CHRM3: variants seen among roughly 807,000 people sequenced by gnomAD.
The protein encoded by CHRM3 is muscarinic acetylcholine receptor M3.
A neutral mutation model predicts 41.8 loss-of-function variants in CHRM3; 11 were observed. That is an observed-to-expected ratio of 0.26 (90% confidence interval 0.17 to 0.44). The LOEUF (loss-of-function observed/expected upper bound fraction) is 0.44, where lower values mean the gene tolerates loss of function less well. Among genes scored for constraint, CHRM3 ranks in the 20% least tolerant of loss-of-function variants. CHRM3 has a pLI of 1.00. For missense variants in CHRM3, 571 were observed against 745.4 expected (o/e 0.77, Z 2.72); for synonymous variants, 297 against 301.4 (o/e 0.99, Z 0.15).
In CHRM3 at chr1:239,833,348, G is replaced by A. The variant is rs552522491; in HGVS notation, c.-20+5970G>A. Among the ~76,000 whole-genome samples the A allele has an allele frequency of 2.6e-5, 4 of 152,298 alleles. No individual in the cohort carries two copies. In the East Asian group the frequency reaches 7.7e-4, roughly 29 times the overall value. On this transcript the variant is annotated intron_variant, in intron 6 of 6. Coordinates refer to ENST00000676153, the MANE Select transcript of CHRM3 (RefSeq NM_001375978.1). ...AAACCCTGGCTTTGTCCTATGACTAGGATGAATATAGTCTAGACTCAGGCT... is the reference window on the plus strand; with the variant it reads ...AAACCCTGGCTTTGTCCTATGACTAAGATGAATATAGTCTAGACTCAGGCT...
intron 5 of CHRM3, among the ~76,000 whole-genome samples, chr1:239,737,531 C>G (rs1202222418): frequency 6.6e-6 from 1 of 152,176 alleles, no homozygotes; most frequent in Non-Finnish European, 1.5e-5. Context: ...AACTAAAGCC[C>G]TGACTCTTAA....
intron 6 of CHRM3, among the ~76,000 whole-genome samples, chr1:239,873,080 A>G (rs1676728722): frequency 6.6e-6 from 1 of 152,198 alleles, no homozygotes; most frequent in African/African-American, 2.4e-5. Flanking sequence ...TTTGCAAATC[A>G]TGACTGTGCC....
chr1:239,779,742 G>C (rs893822631), intron 5 of CHRM3, among the ~76,000 whole-genome samples: 1 of 151,912 alleles, frequency 6.6e-6, no homozygotes, highest in Non-Finnish European at 1.5e-5. Context: ...CTCAAAAAAA[G>C]AAAAAAAGAA....
At chr1:239,458,414 G>T (rs1665114460) in intron 1 of CHRM3, among the ~76,000 whole-genome samples, 1 of 152,068 alleles carries the variant, frequency 6.6e-6, no homozygotes, top group Non-Finnish European at 1.5e-5. Flanking sequence ...GTGTGATCAG[G>T]GCTGTATTGG....
intron 6 of CHRM3, among the ~76,000 whole-genome samples, chr1:239,834,899 A>G (rs1042687731): frequency 6.6e-6 from 1 of 152,218 alleles, no homozygotes; most frequent in Non-Finnish European, 1.5e-5. Context: ...TGTTTTTTAC[A>G]TAAATATATT....
chr1:239,400,935 C>A (rs1659916593), intron 1 of CHRM3, among the ~76,000 whole-genome samples: 1 of 152,114 alleles, frequency 6.6e-6, no homozygotes, highest in Admixed American at 6.6e-5. Context: ...GCTTAAACAG[C>A]TGATGATGTC....
chr1:239,797,891 A>G (rs1025677740), intron 5 of CHRM3, among the ~76,000 whole-genome samples: 1 of 152,170 alleles, frequency 6.6e-6, no homozygotes, highest in Non-Finnish European at 1.5e-5. Context: ...CTACAAAAAA[A>G]TTAACAAATT....
chr1:239,448,404 A>G (rs1405357155), intron 1 of CHRM3, among the ~76,000 whole-genome samples: 1 of 152,182 alleles, frequency 6.6e-6, no homozygotes, highest in Non-Finnish European at 1.5e-5. Flanking sequence ...GTGCATATTA[A>G]ATTATTAATA....
At chr1:239,602,133 T>C (rs1572873876) in intron 3 of CHRM3, among the ~76,000 whole-genome samples, 2 of 147,336 alleles carry the variant, frequency 1.4e-5, no homozygotes, top group Admixed American at 6.9e-5. Context: ...TATATATATA[T>C]ATATATAATT....
intron 6 of CHRM3, chr1:239,886,706 G>A (rs1678100643): frequency 1.3e-5 from 2 of 152,092 alleles, no homozygotes; most frequent in Non-Finnish European, 1.5e-5. Flanking sequence ...AGAATTTTAA[G>A]TTAGCTAAAT....
chr1:239,479,343 G>T (rs1666676440), intron 1 of CHRM3, among the ~76,000 whole-genome samples: 1 of 152,136 alleles, frequency 6.6e-6, no homozygotes, highest in Non-Finnish European at 1.5e-5. Context: ...TATAACCAAA[G>T]ATGAGAAGAA....
intron 5 of CHRM3, among the ~76,000 whole-genome samples, chr1:239,725,058 T>C (rs908429573): frequency 1.3e-5 from 2 of 151,942 alleles, no homozygotes; most frequent in African/African-American, 4.8e-5. Flanking sequence ...CAATACAGAC[T>C]AAGCACCTTA....
At chr1:239,859,210 C>T (rs535867768) in intron 6 of CHRM3, among the ~76,000 whole-genome samples, 1 of 152,270 alleles carries the variant, frequency 6.6e-6, no homozygotes, top group Non-Finnish European at 1.5e-5. Context: ...ATTCTCCCAG[C>T]GGTGTATGAG....
intron 1 of CHRM3, among the ~76,000 whole-genome samples, chr1:239,423,238 T>G: frequency 6.6e-6 from 1 of 152,196 alleles, no homozygotes; most frequent in East Asian, 1.9e-4. Flanking sequence ...CATTAAAAAA[T>G]ATGTACAGCA....
At chr1:239,766,162 T>A (rs895990109) in intron 5 of CHRM3, among the ~76,000 whole-genome samples, 1 of 152,086 alleles carries the variant, frequency 6.6e-6, no homozygotes, top group Non-Finnish European at 1.5e-5. Context: ...CTGGGAGAGA[T>A]AAGAAAGAAG....
chr1:239,504,500 G>A (rs1796828), intron 2 of CHRM3, among the ~76,000 whole-genome samples: 4,158 of 152,308 alleles, frequency 0.027, 84 homozygotes, highest in Non-Finnish European at 0.042. Context: ...ATGGAAAATA[G>A]TGTGGAGATT....
intron 5 of CHRM3, among the ~76,000 whole-genome samples, chr1:239,721,825 A>G (rs1663001294): frequency 6.6e-6 from 1 of 151,924 alleles, no homozygotes; most frequent in African/African-American, 2.4e-5. Flanking sequence ...TTGGAGAAAA[A>G]TACAAACAAA....
chr1:239,461,435 T>TTTTTATTTATTTATTTA (rs1376657504), intron 1 of CHRM3, among the ~76,000 whole-genome samples: 62 of 152,172 alleles, frequency 4.1e-4, no homozygotes, highest in Admixed American at 2.3e-3. Flanking sequence ...CAAAAGCTGA[T>TTTTTATTTATTTATTTA]TCTATTTATT....
intron 1 of CHRM3, among the ~76,000 whole-genome samples, chr1:239,398,424 C>T (rs765428371): frequency 4.0e-5 from 6 of 151,462 alleles, no homozygotes; most frequent in Non-Finnish European, 7.4e-5. Flanking sequence ...TTGGTAGAAA[C>T]GGGGTTTCAC....
Sources: allele counts gnomAD v4.1 joint callset (sites outside exome capture counted in the v4.1 genomes callset), GRCh38; gene constraint gnomAD v4.1.1; transcripts MANE v1.5; gene names NCBI Gene and HGNC (gene_info 2026-07-23, HGNC 2026-07-21).